Variants in FAXDC2 observed in about 807,000 individuals in gnomAD.
FAXDC2 encodes fatty acid hydroxylase domain-containing protein 2.
Under a neutral mutation model 40.9 loss-of-function variants are expected in FAXDC2, and 41 were observed. That is an observed-to-expected ratio of 1.00 (90% confidence interval 0.78 to 1.30). FAXDC2 has a LOEUF of 1.30. Among genes scored for constraint, FAXDC2 ranks in the 50% most tolerant of loss-of-function variants. FAXDC2 has a pLI of 0.00. For missense variants in FAXDC2, 390 were observed against 408.8 expected, an observed-to-expected ratio of 0.95 and a Z score of 0.40; for synonymous variants, 157 against 149.3, an observed-to-expected ratio of 1.05 and a Z score of -0.38.
In FAXDC2 at chr5:154,819,131, G is replaced by T. The variant is rs1759809494; in HGVS notation, c.*1185C>A. ...GCTACAGTGGATGTTTTTCTTAAGA[G>T]AACTGAAAGTTGGAAAAGGCACAAG... On this transcript the variant is annotated 3_prime_UTR_variant, in exon 9 of 9. Coordinates refer to ENST00000326080, the MANE Select transcript of FAXDC2 (RefSeq NM_032385.5). 1 of 152,220 alleles carries T rather than the reference G, an allele frequency of 6.6e-6. No individual in the cohort carries two copies. The highest frequency in any genetic ancestry group is 6.5e-5 in the Admixed American group (1 of 15,276). The allele number at this position is 152,220 out of a possible 1,614,324, so 9.4% of individuals were successfully genotyped here.
In FAXDC2 at chr5:154,820,348, T is replaced by C; in HGVS notation, c.970A>G (p.Ser324Gly). ...ATCCTCTTTGGGGAGTCTGGGATGC[T>C]CTCAGAGAGCGGGGTGAAGCCCAGC... ...LLLGFTPLSE[S>G]IPDSPKRME is the part of the protein sequence containing the mutation. The change falls in exon 9 of 9, where the codon AGC becomes GGC. Residue 324 changes from serine to glycine, a missense_variant. Physicochemically the swap from Ser to Gly is moderately conservative, Grantham distance 56. Coordinates refer to ENST00000326080, the MANE Select transcript of FAXDC2 (RefSeq NM_032385.5). 6.2e-7 allele frequency: 1 copy of C among 1,613,036 alleles called. No homozygotes were observed. The highest frequency in any genetic ancestry group is 8.5e-7 in the Non-Finnish European group (1 of 1,179,592).
chr5:154,849,442 G>A (rs1760681412), intron 1 of FAXDC2, among the ~76,000 whole-genome samples: 1 of 152,000 alleles, frequency 6.6e-6, no homozygotes, highest in South Asian at 2.1e-4. Flanking sequence ...CCATGAGGCC[G>A]AGAATCTGCC....
At chr5:154,821,210 G>A (rs1759879039) in intron 8 of FAXDC2, 50 bp downstream of exon 8, 2 of 1,453,294 alleles carry the variant, frequency 1.4e-6, no homozygotes. Context: ...CTTAAGGAGG[G>A]AGGGTGATGG....
chr5:154,830,969 A>G (rs766805906), intron 4 of FAXDC2, 47 bp from the exon 5 acceptor site: 1 of 1,608,712 alleles, frequency 6.2e-7, no homozygotes, highest in East Asian at 2.2e-5. Flanking sequence ...GGGTTCTCAC[A>G]GCACATAGAC....
chr5:154,849,476 C>G (rs1171819826), intron 1 of FAXDC2, among the ~76,000 whole-genome samples: 1 of 152,054 alleles, frequency 6.6e-6, no homozygotes, highest in Non-Finnish European at 1.5e-5. Flanking sequence ...ACGAGATCCA[C>G]AGAATCAAGC....
intron 5 of FAXDC2, chr5:154,830,206 A>C (rs1760153291): frequency 6.6e-6 from 1 of 152,284 alleles, no homozygotes; most frequent in African/African-American, 2.4e-5. Context: ...GACTCAGGGA[A>C]CAGTGGGACC....
At chr5:154,835,183 A>T (rs1237915435) in intron 2 of FAXDC2, 4 of 410,570 alleles carry the variant, frequency 9.7e-6, no homozygotes, top group Non-Finnish European at 1.8e-5. Context: ...AATTAGCCTG[A>T]CTCCAGAGAA....
chr5:154,823,195 G>A (rs977635064), intron 6 of FAXDC2, 192 bp downstream of exon 6: 3 of 578,108 alleles, frequency 5.2e-6, no homozygotes, highest in South Asian at 2.1e-5. Context: ...AAATTTTTTT[G>A]TAGAGACGGG....
At chr5:154,845,992 C>T (rs560769276) in intron 1 of FAXDC2, among the ~76,000 whole-genome samples, 6 of 150,976 alleles carry the variant, frequency 4.0e-5, no homozygotes, top group African/African-American at 7.3e-5. Flanking sequence ...TTAGTAGAGA[C>T]GGGGTTTCAC....
intron 4 of FAXDC2, among the ~76,000 whole-genome samples, chr5:154,833,747 C>T (rs1053924856): frequency 1.3e-5 from 2 of 151,750 alleles, no homozygotes; most frequent in African/African-American, 2.4e-5. Context: ...TGGCTCACTG[C>T]AACCCGCCTC....
intron 5 of FAXDC2, among the ~76,000 whole-genome samples, chr5:154,826,754 A>G (rs1270826329): frequency 2.0e-5 from 3 of 152,112 alleles, no homozygotes; most frequent in Non-Finnish European, 2.9e-5. Context: ...TATAGAGAAA[A>G]TGAGACAATG....
At chr5:154,839,661 A>G (rs1030160885) in intron 1 of FAXDC2, among the ~76,000 whole-genome samples, 16 of 152,124 alleles carry the variant, frequency 1.1e-4, no homozygotes, top group African/African-American at 3.1e-4. Context: ...AAGAAAGAAA[A>G]AAAAAAGAAC....
chr5:154,823,440 C>T lies in FAXDC2; in HGVS notation c.519G>A (p.Leu173=). 1.9e-6 allele frequency: 3 copies of T among 1,614,164 alleles called. No homozygotes were observed. Among genetic ancestry groups the T allele is most frequent in the Non-Finnish European group, 2.5e-6 (3 of 1,180,042 alleles). The change falls in exon 6 of 9, where the codon CTG becomes CTA. Residue 173 remains leucine (L), a synonymous_variant. Coordinates refer to ENST00000326080, the MANE Select transcript of FAXDC2 (RefSeq NM_032385.5). ...RELPTFHWFL[L]ELAIFTLIEE... is the part of the protein sequence containing the mutation. ...CGATCAGCGTGAAGATGGCCAGCTC[C>T]AGGAGGAACCAGTGGAAGGTGGGTA...
intron 1 of FAXDC2, among the ~76,000 whole-genome samples, chr5:154,842,849 T>G (rs550734914): frequency 6.3e-4 from 94 of 150,174 alleles, no homozygotes; most frequent in Non-Finnish European, 1.2e-3. Context: ...TAAAAAAAAA[T>G]AGAGATATAG....
intron 5 of FAXDC2, among the ~76,000 whole-genome samples, chr5:154,826,663 A>C (rs1319146624): frequency 6.6e-6 from 1 of 152,170 alleles, no homozygotes; most frequent in African/African-American, 2.4e-5. Context: ...TGCTCTAATG[A>C]AACCATATCA....
At chr5:154,821,166 T>C (rs552663732) in intron 8 of FAXDC2, 94 bp downstream of exon 8, 2 of 1,060,266 alleles carry the variant, frequency 1.9e-6, no homozygotes, top group Non-Finnish European at 2.9e-6. Context: ...AGCACTCACA[T>C]GTAAACTGAG....
At chr5:154,832,323 C>T (rs189668123) in intron 4 of FAXDC2, among the ~76,000 whole-genome samples, 2,039 of 151,830 alleles carry the variant, frequency 0.013, 23 homozygotes, top group Non-Finnish European at 0.019. Context: ...ACGCCATTCT[C>T]CTGCCTCAGC....
intron 4 of FAXDC2, 124 bp from the exon 5 acceptor site, chr5:154,831,046 T>G: frequency 8.1e-7 from 1 of 1,241,992 alleles, no homozygotes; most frequent in Non-Finnish European, 1.1e-6. Context: ...AGGGAGGTCT[T>G]AGGGCTTGGG....
At chr5:154,840,905 T>A (rs1760462420) in intron 1 of FAXDC2, among the ~76,000 whole-genome samples, 1 of 152,162 alleles carries the variant, frequency 6.6e-6, no homozygotes, top group African/African-American at 2.4e-5. Context: ...TGGTGACCTA[T>A]AAAGTGTCTT....
Sources: gnomAD v4.1 joint callset for allele counts (sites outside exome capture counted in the v4.1 genomes callset) on GRCh38, gnomAD v4.1.1 for gene constraint, MANE v1.5 for transcripts, NCBI Gene and HGNC (gene_info 2026-07-23, HGNC 2026-07-21) for gene names.